Variants in TRPC6 observed in about 807,000 individuals in gnomAD.
TRPC6 encodes transient receptor potential cation channel subfamily C member 6, also known as short transient receptor potential channel 6.
Under a neutral mutation model 90.7 loss-of-function variants are expected in TRPC6, and 55 were observed. The ratio of observed to expected loss-of-function variants is 0.61; its 90% CI spans 0.49 to 0.76. The LOEUF (loss-of-function observed/expected upper bound fraction) is 0.76, where lower values mean the gene tolerates loss of function less well. TRPC6 is among the 30% of genes least tolerant of loss of function. The pLI, the probability that TRPC6 is intolerant of heterozygous loss-of-function variation, is 0.00. For synonymous variants in TRPC6, 393 were observed against 393.0 expected (o/e 1.00, Z 0.00); for missense variants, 989 against 1,122.7 (o/e 0.88, Z 1.70).
chr11:101,560,016 C>T (rs1269012848), intron 1 of TRPC6, among the ~76,000 whole-genome samples: 1 of 151,948 alleles, frequency 6.6e-6, no homozygotes, highest in African/African-American at 2.4e-5. Flanking sequence ...TAATATCTGT[C>T]AGATCAAGTT....
At chr11:101,480,532 C>G (rs1031250420) in intron 5 of TRPC6, among the ~76,000 whole-genome samples, 1 of 151,954 alleles carries the variant, frequency 6.6e-6, no homozygotes, top group South Asian at 2.1e-4. Context: ...ATAAATCATT[C>G]TCTTCATGCC....
chr11:101,548,484 C>CTCTG (rs1861375598), intron 1 of TRPC6, among the ~76,000 whole-genome samples: 2 of 49,188 alleles, frequency 4.1e-5, no homozygotes, highest in Admixed American at 5.9e-4. Context: ...ATATCTCTCT[C>CTCTG]TCTCTCTCTG....
At chr11:101,471,844 G>T (rs1295398150) in intron 8 of TRPC6, among the ~76,000 whole-genome samples, 1 of 152,066 alleles carries the variant, frequency 6.6e-6, no homozygotes. Context: ...ATAATTTTTT[G>T]AATAAAATAT....
At chr11:101,576,582 A>T (rs1862075843) in intron 1 of TRPC6, among the ~76,000 whole-genome samples, 1 of 152,344 alleles carries the variant, frequency 6.6e-6, no homozygotes, top group African/African-American at 2.4e-5. Flanking sequence ...ACACTTCTGC[A>T]TGTATTGAAA....
chr11:101,559,235 G>C (rs58720814), intron 1 of TRPC6, among the ~76,000 whole-genome samples: 4 of 152,042 alleles, frequency 2.6e-5, no homozygotes, highest in Non-Finnish European at 5.9e-5. Flanking sequence ...CATCCAAATG[G>C]CCAGAGATAT....
chr11:101,485,707 T>A (rs959822211), intron 4 of TRPC6, among the ~76,000 whole-genome samples: 5 of 152,134 alleles, frequency 3.3e-5, no homozygotes, highest in African/African-American at 1.2e-4. Flanking sequence ...AAGAAGCAGC[T>A]TTCAAGGACA....
intron 3 of TRPC6, among the ~76,000 whole-genome samples, chr11:101,490,619 C>A (rs1859782500): frequency 6.6e-6 from 1 of 152,160 alleles, no homozygotes; most frequent in Admixed American, 6.5e-5. Context: ...CCATACCCAG[C>A]TAATTTTTGT....
intron 2 of TRPC6, among the ~76,000 whole-genome samples, chr11:101,498,799 T>C (rs1207708696): frequency 6.6e-6 from 1 of 152,170 alleles, no homozygotes; most frequent in African/African-American, 2.4e-5. Context: ...CTAAAATGGA[T>C]TTCCTTGAAA....
intron 10 of TRPC6, among the ~76,000 whole-genome samples, chr11:101,460,059 A>T (rs1858970640): frequency 6.6e-6 from 1 of 152,230 alleles, no homozygotes; most frequent in Non-Finnish European, 1.5e-5. Flanking sequence ...CTGAGTACTT[A>T]GTTCAATACT....
chr11:101,478,505 T>C (rs1210357792), intron 5 of TRPC6, among the ~76,000 whole-genome samples: 1 of 149,832 alleles, frequency 6.7e-6, no homozygotes, highest in Non-Finnish European at 1.5e-5. Context: ...TCTTTTCTCT[T>C]TCTCTCTTTA....
intron 1 of TRPC6, among the ~76,000 whole-genome samples, chr11:101,525,424 C>T (rs566860419): frequency 1.3e-5 from 2 of 152,244 alleles, no homozygotes; most frequent in East Asian, 1.9e-4. Flanking sequence ...TTAGAATTTT[C>T]AGGACATGGT....
intron 2 of TRPC6, among the ~76,000 whole-genome samples, chr11:101,501,846 A>T (rs1860134688): frequency 6.6e-6 from 1 of 152,192 alleles, no homozygotes; most frequent in Non-Finnish European, 1.5e-5. Context: ...ACTTTATAAA[A>T]GCATTTTTTA....
At chr11:101,537,740 T>A (rs1861084865) in intron 1 of TRPC6, among the ~76,000 whole-genome samples, 1 of 151,112 alleles carries the variant, frequency 6.6e-6, no homozygotes, top group Non-Finnish European at 1.5e-5. Context: ...TTCCATTTTC[T>A]GCTAGCAAAA....
At chr11:101,463,160 G>A (rs559530380) in intron 10 of TRPC6, among the ~76,000 whole-genome samples, 8 of 152,070 alleles carry the variant, frequency 5.3e-5, no homozygotes, top group East Asian at 1.9e-4. Flanking sequence ...GGATGAAGCC[G>A]GCTTGATCAT....
intron 1 of TRPC6, 107 bp from the exon 2 acceptor site, chr11:101,504,905 C>T (rs867630162): frequency 1.7e-5 from 21 of 1,272,700 alleles, no homozygotes; most frequent in Admixed American, 4.7e-5. Flanking sequence ...TAGATGTTGT[C>T]TCATCATCTC....
At chr11:101,494,557 CAAGTA>C (rs1859899922) in intron 2 of TRPC6, among the ~76,000 whole-genome samples, 1 of 152,066 alleles carries the variant, frequency 6.6e-6, no homozygotes, top group Non-Finnish European at 1.5e-5. Flanking sequence ...ATGTAGAGTT[CAAGTA>C]TAGTGAATTC....
At chr11:101,563,306 TCA>T (rs1861755563) in intron 1 of TRPC6, among the ~76,000 whole-genome samples, 1 of 152,048 alleles carries the variant, frequency 6.6e-6, no homozygotes, top group African/African-American at 2.4e-5. Flanking sequence ...ATGTGTTGAG[TCA>T]GGTAGTTGTG....
chr11:101,575,691 G>T (rs1221055903), intron 1 of TRPC6, among the ~76,000 whole-genome samples: 1 of 152,150 alleles, frequency 6.6e-6, no homozygotes, highest in Non-Finnish European at 1.5e-5. Flanking sequence ...ATGAATTAAT[G>T]AAAGAAGTGA....
chr11:101,495,633 TATC>T (rs1555002272), intron 2 of TRPC6, among the ~76,000 whole-genome samples: 14 of 144,518 alleles, frequency 9.7e-5, no homozygotes, highest in Admixed American at 2.8e-4. Context: ...TTATTATTAT[TATC>T]ATTGTTTTCA....
Sources: gnomAD v4.1 joint callset for allele counts (sites outside exome capture counted in the v4.1 genomes callset) on GRCh38, gnomAD v4.1.1 for gene constraint, MANE v1.5 for transcripts, NCBI Gene and HGNC (gene_info 2026-07-23, HGNC 2026-07-21) for gene names.